The following CEP85L variants were observed in gnomAD, a reference collection of about 807,000 sequenced individuals.
CEP85L encodes centrosomal protein of 85 kDa-like.
CEP85L carries 60 observed loss-of-function variants against 100.3 expected under a neutral mutation model. The ratio of observed to expected loss-of-function variants is 0.60; its 90% confidence interval spans 0.49 to 0.74. The LOEUF is 0.74. Ranked by LOEUF, CEP85L falls within the 30% of genes least tolerant of loss-of-function variation. CEP85L has a pLI of 0.00. For synonymous variants in CEP85L, 319 were observed against 322.7 expected, an observed-to-expected ratio of 0.99 and a Z score of 0.12; for missense variants, 973 against 936.2, an observed-to-expected ratio of 1.04 and a Z score of -0.51.
At chr6:118,500,336 A>AT (rs1775201412) in intron 5 of CEP85L, among the ~76,000 whole-genome samples, 2 of 145,242 alleles carry the variant, frequency 1.4e-5, no homozygotes, top group Admixed American at 6.9e-5. Context: ...ACAGCAAACT[A>AT]TTTATCATGA....
At chr6:118,558,415 G>A (rs1007229197) in intron 3 of CEP85L, among the ~76,000 whole-genome samples, 3 of 152,062 alleles carry the variant, frequency 2.0e-5, no homozygotes, top group Non-Finnish European at 2.9e-5. Flanking sequence ...TCAGCCTAGG[G>A]TAAAAATGGT....
chr6:118,482,447 T>C (rs1773858737), intron 7 of CEP85L, among the ~76,000 whole-genome samples: 1 of 152,228 alleles, frequency 6.6e-6, no homozygotes, highest in African/African-American at 2.4e-5. Flanking sequence ...AGTGGAATCA[T>C]ACAGTATTTG....
chr6:118,479,347 C>T (rs1034282297), intron 10 of CEP85L, among the ~76,000 whole-genome samples: 2 of 152,060 alleles, frequency 1.3e-5, no homozygotes, highest in African/African-American at 4.8e-5. Context: ...ATCACACTAC[C>T]TCACATTTCC....
At chr6:118,562,637 AG>A (rs1779290960) in intron 3 of CEP85L, among the ~76,000 whole-genome samples, 2 of 152,168 alleles carry the variant, frequency 1.3e-5, no homozygotes, top group Non-Finnish European at 2.9e-5. Context: ...TTGGGATTAC[AG>A]GGGTGAGCTA....
In CEP85L at chr6:118,651,473, C is replaced by T; in HGVS notation, c.-204G>A. 2.3e-6 allele frequency: 3 copies of T among 1,312,952 alleles called. No homozygotes were observed. Among genetic ancestry groups the T allele is most frequent in the Non-Finnish European group, 1.9e-6 (2 of 1,034,122 alleles). 81.3% of individuals were successfully genotyped at this position (1,312,952 alleles called of 1,614,324 possible). ...CCGCACTGCCGGCGCCTGCCATGGC[C>T]AAGCCGGCTGGGCTGAGGCCCGCGC... On this transcript the variant is annotated 5_prime_UTR_variant, in exon 1 of 13. Coordinates refer to ENST00000368491, the MANE Select transcript of CEP85L (RefSeq NM_001042475.3).
Position 118,479,777 on chromosome 6 carries a change from C to T in CEP85L, c.1914+94G>A, listed in dbSNP as rs369152732. 675 of 557,012 alleles carry T rather than the reference C, an allele frequency of 1.2e-3. 10 individuals are homozygous for T. The South Asian group carries it at 0.02, about 16-fold the overall frequency. The allele number at this position is 557,012 out of a possible 1,614,324, so 34.5% of individuals were successfully genotyped here. ...GTGCTATAAATATTATCTTTCCATA[C>T]GATATATGCATGCTTTAATATTTTC... is the stretch of plus-strand genomic sequence containing the variant. On this transcript the variant is annotated intron_variant, in intron 10 of 12. Coordinates refer to ENST00000368491, the MANE Select transcript of CEP85L (RefSeq NM_001042475.3).
chr6:118,633,909 A>G (rs1049826278), intron 1 of CEP85L, among the ~76,000 whole-genome samples: 1 of 152,238 alleles, frequency 6.6e-6, no homozygotes, highest in Non-Finnish European at 1.5e-5. Flanking sequence ...CTCTCATTTC[A>G]ATGACAGTTC....
At chr6:118,650,502 G>A (rs1775478120) in intron 1 of CEP85L, among the ~76,000 whole-genome samples, 1 of 152,208 alleles carries the variant, frequency 6.6e-6, no homozygotes, top group Admixed American at 6.5e-5. Context: ...AGGGGCCACG[G>A]AAAGCCAAAC....
At chr6:118,641,308 G>A (rs536101050) in intron 1 of CEP85L, among the ~76,000 whole-genome samples, 1 of 152,218 alleles carries the variant, frequency 6.6e-6, no homozygotes, top group South Asian at 2.1e-4. Context: ...AAGAGATTAA[G>A]CATAAGCTTT....
At chr6:118,652,179 G>C (rs781053566), upstream of CEP85L, among the ~76,000 whole-genome samples, 2 of 152,154 alleles carry the variant, frequency 1.3e-5, no homozygotes, top group Non-Finnish European at 2.9e-5. Flanking sequence ...GTACCCGAGG[G>C]GGAGAGGGGC....
intron 2 of CEP85L, among the ~76,000 whole-genome samples, chr6:118,613,820 A>G (rs1322448859): frequency 1.3e-5 from 2 of 151,596 alleles, no homozygotes; most frequent in Non-Finnish European, 1.5e-5. Flanking sequence ...AATGTATAAA[A>G]AAGAATCAGC....
At chr6:118,691,008 A>AAAG (rs1777023006) in intron 1 of CEP85L, among the ~76,000 whole-genome samples, 1 of 143,810 alleles carries the variant, frequency 7.0e-6, no homozygotes, top group Non-Finnish European at 1.5e-5. Flanking sequence ...GGAAAAAAAA[A>AAAG]AAGAAAGAAG....
At position 118,461,456 on chromosome 6, in the gene CEP85L, G is replaced by A. The variant is rs1269975990; in HGVS notation, c.*3949C>T. On this transcript the variant is annotated 3_prime_UTR_variant, in exon 13 of 13. Transcript: ENST00000368491. ...AAGTTTATATACAGAAGAACAAGGT[G>A]CAATAATCATCAACATTCTTAGAAC... The A allele has an allele frequency of 2.0e-5, 3 of 151,844 alleles. No homozygotes were observed. Among genetic ancestry groups the A allele is most frequent in the Non-Finnish European group, 2.9e-5 (2 of 67,932 alleles). The allele number at this position is 151,844 out of a possible 1,614,324, so 9.4% of individuals were successfully genotyped here.
At chr6:118,514,409 C>CA (rs1350492950) in intron 4 of CEP85L, among the ~76,000 whole-genome samples, 2 of 151,604 alleles carry the variant, frequency 1.3e-5, no homozygotes, top group Non-Finnish European at 2.9e-5. Context: ...CCTGTAGTCC[C>CA]AGCTACCTGG....
chr6:118,611,445 T>C (rs553795085), intron 2 of CEP85L, among the ~76,000 whole-genome samples: 2 of 152,170 alleles, frequency 1.3e-5, no homozygotes, highest in East Asian at 3.9e-4. Context: ...AAGTAACCCA[T>C]AGGAAGGCAG....
intron 6 of CEP85L, among the ~76,000 whole-genome samples, chr6:118,490,026 T>G (rs757448603): frequency 6.6e-6 from 1 of 151,962 alleles, no homozygotes; most frequent in African/African-American, 2.4e-5. Flanking sequence ...GGAATATTAT[T>G]CAAACTTTGA....
At chr6:118,668,084 A>G (rs1463653699) in intron 1 of CEP85L, among the ~76,000 whole-genome samples, 1 of 152,202 alleles carries the variant, frequency 6.6e-6, no homozygotes, top group African/African-American at 2.4e-5. Context: ...TTAGTAGATA[A>G]CAACAACAAA....
In CEP85L at chr6:118,703,336, T is replaced by C. The variant is rs1358666304; in HGVS notation, c.-28+6700A>G. Among the ~76,000 whole-genome samples the C allele has an allele frequency of 2.6e-5, 4 of 152,322 alleles. No homozygotes were observed. The East Asian group carries it at 7.7e-4, about 29-fold the overall frequency. On this transcript the variant is annotated intron_variant, in intron 1 of 13. Coordinates refer to the CEP85L transcript ENST00000368488. ...TGATATACCAACCCTTTCATAAGGA[T>C]TCATGTTCTATCATTTTACTGGGAT...
intron 2 of CEP85L, among the ~76,000 whole-genome samples, chr6:118,595,195 C>A (rs925332858): frequency 1.3e-5 from 2 of 152,112 alleles, no homozygotes; most frequent in African/African-American, 4.8e-5. Context: ...CAGGTCTCAG[C>A]AAAGAAATCC....
Sources: allele counts gnomAD v4.1 joint callset (sites outside exome capture counted in the v4.1 genomes callset), GRCh38; gene constraint gnomAD v4.1.1; transcripts MANE v1.5; gene names NCBI Gene and HGNC (gene_info 2026-07-23, HGNC 2026-07-21).